CYP39A1: variants seen among roughly 807,000 people sequenced by gnomAD.
CYP39A1 encodes 24-hydroxycholesterol 7-alpha-hydroxylase.
In CYP39A1, 49 loss-of-function variants were observed where a neutral mutation model predicts 58.1. That is an observed-to-expected ratio of 0.84 (90% CI 0.67 to 1.07). The LOEUF (loss-of-function observed/expected upper bound fraction) is 1.07, where lower values mean the gene tolerates loss of function less well. CYP39A1 is among the 50% of genes least tolerant of loss of function. CYP39A1 has a pLI of 0.00. For missense variants in CYP39A1, 531 were observed against 539.4 expected (o/e 0.98, Z 0.16); for synonymous variants, 209 against 187.6 (o/e 1.11, Z -0.93).
At chr6:46,567,342 A>G (rs200332124) in intron 10 of CYP39A1, among the ~76,000 whole-genome samples, 1 of 137,374 alleles carries the variant, frequency 7.3e-6, no homozygotes, top group African/African-American at 3.2e-5. Flanking sequence ...TATTCCATAT[A>G]TATATATATA....
rs780723101 is a variant in CYP39A1 at position 46,636,460 on chromosome 6, A to G, written c.661T>C (p.Trp221Arg). 2 of 1,607,860 alleles carry G rather than the reference A, an allele frequency of 1.2e-6. No individual in the cohort carries two copies. Among genetic ancestry groups the G allele is most frequent in the East Asian group, 2.2e-5 (1 of 44,596 alleles). ...LLRNWSKSKKWFLELFEKNIP... is the reference protein window; with the variant it reads ...LLRNWSKSKKRFLELFEKNIP... ...TTTTTCTCAAACAGTTCCAGGAACC[A>G]CTTTTTGGATTTTGACCAGTTTCTA... The change falls in exon 5 of 12, where the codon TGG (tryptophan) becomes CGG (arginine). Residue 221 changes from tryptophan (W) to arginine (R), a missense_variant. Physicochemically the swap from Trp to Arg is moderately radical, Grantham distance 101. Coordinates refer to ENST00000275016, the MANE Select transcript of CYP39A1 (RefSeq NM_016593.5).
At chr6:46,645,706 A>G (rs1762279102) in intron 1 of CYP39A1, among the ~76,000 whole-genome samples, 1 of 152,134 alleles carries the variant, frequency 6.6e-6, no homozygotes, top group Non-Finnish European at 1.5e-5. Flanking sequence ...TCTACAACAA[A>G]TCTTGCTGGG....
At chr6:46,573,521 G>T (rs1319417386) in intron 10 of CYP39A1, among the ~76,000 whole-genome samples, 2 of 152,086 alleles carry the variant, frequency 1.3e-5, no homozygotes, top group Non-Finnish European at 2.9e-5. Flanking sequence ...TTTTCCTGGG[G>T]CCGCCTATGA....
chr6:46,620,341 T>C (rs1774877283), intron 7 of CYP39A1, among the ~76,000 whole-genome samples: 1 of 152,198 alleles, frequency 6.6e-6, no homozygotes, highest in African/African-American at 2.4e-5. Context: ...CTAGAAGACC[T>C]TACTTGCAAG....
At chr6:46,627,425 T>C (rs1775385134) in intron 6 of CYP39A1, among the ~76,000 whole-genome samples, 2 of 123,146 alleles carry the variant, frequency 1.6e-5, no homozygotes, top group Admixed American at 1.5e-4. Flanking sequence ...TTTATTTATT[T>C]TTTTTTTTTT....
In CYP39A1 at chr6:46,554,662, C is replaced by T. The variant is rs1378444415; in HGVS notation, c.1251-808G>A. On this transcript the variant is annotated intron_variant, in intron 10 of 11. Transcript: ENST00000275016. The stretch of plus-strand genomic sequence containing the variant: ...GAATTCTGTTATTTTTCCCTGTGTC[C>T]CATTGGGTTGTTTTGAACTCTCTGC... 2.0e-5 allele frequency among the ~76,000 whole-genome samples: 3 copies of T among 152,082 alleles called. No homozygotes were observed. In the East Asian group the frequency reaches 5.8e-4, roughly 29 times the overall value.
At chr6:46,563,423 T>C (rs576195553) in intron 10 of CYP39A1, among the ~76,000 whole-genome samples, 33 of 152,318 alleles carry the variant, frequency 2.2e-4, no homozygotes, top group African/African-American at 7.5e-4. Flanking sequence ...CTAATAAAGC[T>C]CATTAAAATA....
intron 8 of CYP39A1, among the ~76,000 whole-genome samples, chr6:46,592,688 G>A (rs901008829): frequency 1.3e-4 from 20 of 152,176 alleles, no homozygotes; most frequent in Non-Finnish European, 1.8e-4. Flanking sequence ...GAGCGTGGTC[G>A]TTTATGCCTG....
chr6:46,551,749 A>C (rs1375770827), intron 11 of CYP39A1, among the ~76,000 whole-genome samples: 1 of 152,144 alleles, frequency 6.6e-6, no homozygotes, highest in African/African-American at 2.4e-5. Context: ...CAGAGTGTTC[A>C]GGACATGCTT....
intron 7 of CYP39A1, among the ~76,000 whole-genome samples, chr6:46,624,042 C>T (rs1775141594): frequency 6.6e-6 from 1 of 151,942 alleles, no homozygotes. Flanking sequence ...ATAGAAAAAG[C>T]AAAAAGGTTT....
intron 10 of CYP39A1, among the ~76,000 whole-genome samples, chr6:46,567,475 G>A (rs995970384): frequency 6.6e-6 from 1 of 151,962 alleles, no homozygotes; most frequent in Admixed American, 6.6e-5. Context: ...TGTTTCCTTT[G>A]GATATATATC....
intron 11 of CYP39A1, among the ~76,000 whole-genome samples, chr6:46,551,315 G>T (rs533451971): frequency 8.1e-4 from 119 of 147,342 alleles, no homozygotes; most frequent in African/African-American, 2.9e-3. Context: ...CTACAAAGGG[G>T]ATCCATGCAT....
At chr6:46,563,605 A>G (rs890754043) in intron 10 of CYP39A1, among the ~76,000 whole-genome samples, 1 of 152,212 alleles carries the variant, frequency 6.6e-6, no homozygotes, top group African/African-American at 2.4e-5. Flanking sequence ...ATATAGATGA[A>G]GGTAGAAACA....
intron 10 of CYP39A1, among the ~76,000 whole-genome samples, chr6:46,572,344 T>C (rs1370073539): frequency 6.6e-6 from 1 of 152,180 alleles, no homozygotes; most frequent in Non-Finnish European, 1.5e-5. Context: ...GCATTTCTTA[T>C]AAGGCAGGTA....
rs1248500127 is a variant in CYP39A1, at chr6:46,549,808, A to C, written c.*558T>G. 1 of 152,294 alleles carries C rather than the reference A, an allele frequency of 6.6e-6. No homozygotes were observed. The highest frequency in any genetic ancestry group is 6.5e-5 in the Admixed American group (1 of 15,272). The allele number at this position is 152,294 out of a possible 1,614,324, so 9.4% of individuals were successfully genotyped here. A position where few individuals can be genotyped will look rare whatever the true frequency, so the allele number is the denominator to read the frequency against. Reference sequence around the variant, plus strand: ...TGTAAGACACCATTCCTGTCCTCACAGGTCTCAGAAAACTACCATTTTATT... The same window carrying C: ...TGTAAGACACCATTCCTGTCCTCACCGGTCTCAGAAAACTACCATTTTATT... On this transcript the variant is annotated 3_prime_UTR_variant, in exon 12 of 12. Coordinates refer to ENST00000275016, the MANE Select transcript of CYP39A1 (RefSeq NM_016593.5).
chr6:46,562,063 C>A (rs1771007732), intron 10 of CYP39A1, among the ~76,000 whole-genome samples: 1 of 152,082 alleles, frequency 6.6e-6, no homozygotes, highest in Non-Finnish European at 1.5e-5. Flanking sequence ...CACTCTGTTG[C>A]CCAAGCTGGA....
intron 10 of CYP39A1, among the ~76,000 whole-genome samples, chr6:46,580,174 A>C (rs1421848955): frequency 6.6e-6 from 1 of 152,106 alleles, no homozygotes; most frequent in Non-Finnish European, 1.5e-5. Context: ...CAATGGAACA[A>C]ATTAGAGAAT....
At chr6:46,602,922 A>AT (rs2150534596) in intron 7 of CYP39A1, among the ~76,000 whole-genome samples, 1 of 20,778 alleles carries the variant, frequency 4.8e-5, no homozygotes, top group South Asian at 3.5e-3. Context: ...TAAATATAAA[A>AT]TGGGGGGGGG....
intron 8 of CYP39A1, among the ~76,000 whole-genome samples, chr6:46,592,912 T>C (rs972293530): frequency 6.6e-6 from 1 of 152,124 alleles, no homozygotes; most frequent in Non-Finnish European, 1.5e-5. Flanking sequence ...GCCAAGATCA[T>C]GTCACTGCAC....
Sources: gnomAD v4.1 joint callset for allele counts (sites outside exome capture counted in the v4.1 genomes callset) on GRCh38, gnomAD v4.1.1 for gene constraint, MANE v1.5 for transcripts, NCBI Gene and HGNC (gene_info 2026-07-23, HGNC 2026-07-21) for gene names.